The following SMPD4 variants were observed in gnomAD, a reference collection of about 807,000 sequenced individuals.
The protein encoded by SMPD4 is neutral sphingomyelinase 3.
Under a neutral mutation model 97.8 loss-of-function variants are expected in SMPD4, and 58 were observed. The observed-to-expected ratio is 0.59, with a 90% CI of 0.48 to 0.74. SMPD4 has a LOEUF of 0.74. SMPD4 is among the 30% of genes least tolerant of loss of function. The pLI is 0.00. For synonymous variants in SMPD4, 388 were observed against 450.0 expected, an observed-to-expected ratio of 0.86 and a Z score of 1.74; for missense variants, 853 against 1,080.5, an observed-to-expected ratio of 0.79 and a Z score of 2.95.
intron 11 of SMPD4, among the ~76,000 whole-genome samples, chr2:130,159,117 C>G (rs1471285382): frequency 6.6e-6 from 1 of 152,108 alleles, no homozygotes; most frequent in African/African-American, 2.4e-5. Context: ...ATCTCAGCCT[C>G]CCGGGTAGCT....
Position 130,173,363 on chromosome 2 carries a change from G to A in SMPD4, c.270-9C>T, listed in dbSNP as rs751872058. The stretch of plus-strand genomic sequence containing the variant: ...ACTTCATCATTGGGCCACTGAACAC[G>A]AAATTGAACAAACAAACAAAAACAG... On this transcript the variant is annotated splice_polypyrimidine_tract_variant and intron_variant, in intron 4 of 19. Transcript: ENST00000680298. The A allele has an allele frequency of 2.7e-5, 44 of 1,611,198 alleles. No individual in the cohort carries two copies. The highest frequency in any genetic ancestry group is 8.9e-5 in the East Asian group (4 of 44,852).
chr2:130,156,062 G>T lies in SMPD4; in HGVS notation c.1262C>A (p.Ser421Tyr), dbSNP rs772700583. The T allele has an allele frequency of 1.2e-6, 2 of 1,611,566 alleles. No individual in the cohort carries two copies. The highest frequency in any genetic ancestry group is 1.7e-6 in the Non-Finnish European group (2 of 1,179,914). Residue 421 changes from serine (S) to tyrosine (Y), a missense_variant, in exon 14 of 20, where the codon TCC (serine) becomes TAC (tyrosine). Transcript: ENST00000680298. ...TTTCTCCGACACACACCGGGGCTGG[G>T]AGTCGCTGCCCGGAGCCTGCTTGTC... is the stretch of plus-strand genomic sequence containing the variant. ...APDKQAPGSD[S>Y]QPRCVSEKWA... is the part of the protein sequence containing the mutation.
chr2:130,157,551 C>A (rs948035336), intron 11 of SMPD4, 155 bp from the exon 12 acceptor site: 2 of 1,422,362 alleles, frequency 1.4e-6, no homozygotes, highest in Non-Finnish European at 1.9e-6. Flanking sequence ...CCATGGGGCA[C>A]CACTGTGCCT....
chr2:130,177,223 G>C (rs975487213), intron 1 of SMPD4, among the ~76,000 whole-genome samples: 7 of 152,162 alleles, frequency 4.6e-5, no homozygotes, highest in Admixed American at 4.6e-4. Context: ...GGGAACTACA[G>C]GCAAACATCA....
chr2:130,154,463 C>T lies in SMPD4; in HGVS notation c.1473G>A (p.Glu491=). 6.4e-7 allele frequency: 1 copy of T among 1,555,954 alleles called. No individual in the cohort carries two copies. Among genetic ancestry groups the T allele is most frequent in the African/African-American group, 1.4e-5 (1 of 73,296 alleles). Residue 491 remains glutamate (E), a synonymous_variant, in exon 16 of 20, where the codon GAG becomes GAA. Transcript: ENST00000680298. ...GGCGGTGGGGGATGACCAGCTCTGG[C>T]TCCAGGAATAGCTGCTCACCTAGAA... ...MIQKGEQLFL[E]PELVIPHRQH...
chr2:130,177,476 T>C (rs1689080744), intron 1 of SMPD4, among the ~76,000 whole-genome samples: 1 of 151,978 alleles, frequency 6.6e-6, no homozygotes, highest in African/African-American at 2.4e-5. Flanking sequence ...GGCAGGAGGA[T>C]CACCTGAGGT....
intron 2 of SMPD4, among the ~76,000 whole-genome samples, chr2:130,176,105 G>T (rs1416306483): frequency 6.6e-6 from 1 of 151,994 alleles, no homozygotes; most frequent in African/African-American, 2.4e-5. Context: ...CTCCAGGCAT[G>T]AGCCACTGCA....
chr2:130,168,085 A>G (rs1688099329), intron 8 of SMPD4, among the ~76,000 whole-genome samples: 1 of 152,236 alleles, frequency 6.6e-6, no homozygotes, highest in Admixed American at 6.5e-5. Context: ...ATGTGCCTGT[A>G]GTCCTAGCTA....
intron 8 of SMPD4, among the ~76,000 whole-genome samples, chr2:130,170,458 C>CAAAAAAAAAAAAAAAAAAAAAA (rs556058599): frequency 2.9e-4 from 19 of 64,662 alleles, no homozygotes; most frequent in East Asian, 4.9e-4. Context: ...AAGACCCTGT[C>CAAAAAAAAAAAAAAAAAAAAAA]AAAAAAAAAA....
Position 130,153,928 on chromosome 2 carries a change from C to T in SMPD4, c.1667G>A (p.Arg556His), listed in dbSNP as rs750699809. ...FGPEARTLVL[R>H]LAQLITQAKH... The stretch of plus-strand genomic sequence containing the variant: ...GGCCTGTGTGATGAGCTGAGCGAGG[C>T]GCAGGACCTGCAAGGGAGGCGCGGG... The change falls in exon 17 of 20, where the codon CGC becomes CAC. Residue 556 changes from arginine to histidine, a missense_variant. Physicochemically the swap from Arg to His is conservative, Grantham distance 29. Transcript: ENST00000680298. The T allele has an allele frequency of 6.8e-6, 11 of 1,613,108 alleles. No homozygotes were observed. The East Asian group carries it at 8.9e-5, about 13-fold the overall frequency.
intron 8 of SMPD4, among the ~76,000 whole-genome samples, chr2:130,169,254 A>G (rs1408617589): frequency 1.3e-5 from 2 of 152,186 alleles, no homozygotes; most frequent in Non-Finnish European, 2.9e-5. Flanking sequence ...GCAAGGGACC[A>G]TTCCTGACTG....
chr2:130,162,735 G>A lies in SMPD4; in HGVS notation c.865-1463C>T, dbSNP rs897428404. 5.3e-5 allele frequency among the ~76,000 whole-genome samples: 8 copies of A among 152,190 alleles called. 1 individual carries two copies. Among genetic ancestry groups the A allele is most frequent in the South Asian group, 4.1e-4 (2 of 4,832 alleles). ...ACGTGTAGCACAGGCCTGGACAAGCGGCAAGAAGCCTTGGGAGACACAGAC... is the reference window on the plus strand; with the variant it reads ...ACGTGTAGCACAGGCCTGGACAAGCAGCAAGAAGCCTTGGGAGACACAGAC... On this transcript the variant is annotated intron_variant, in intron 10 of 19. Transcript: ENST00000680298.
rs757934173 is a variant in SMPD4 at position 130,173,536 on chromosome 2, C to T, written c.247G>A (p.Val83Met). ...GRVNPVEYSI[V>M]MEFLDPGGPM... The stretch of plus-strand genomic sequence containing the variant: ...TACCCAGGGTCGAGAAATTCCATCA[C>T]GATGCTGTACTCCACAGGATTCACG... The change falls in exon 4 of 20, where the codon GTG (valine) becomes ATG (methionine). Residue 83 changes from valine (V) to methionine (M), a missense_variant. Transcript: ENST00000680298. The T allele has an allele frequency of 1.0e-5, 16 of 1,605,674 alleles. No individual in the cohort carries two copies. Among genetic ancestry groups the T allele is most frequent in the African/African-American group, 2.7e-5 (2 of 74,792 alleles).
chr2:130,156,596 A>G lies in SMPD4; in HGVS notation c.1177T>C (p.Ser393Pro). 1 of 1,613,630 alleles carries G rather than the reference A, an allele frequency of 6.2e-7. No individual in the cohort carries two copies. The highest frequency in any genetic ancestry group is 8.5e-7 in the Non-Finnish European group (1 of 1,179,800). The change falls in exon 13 of 20, where the codon TCG (serine) becomes CCG (proline). Residue 393 changes from serine (S) to proline (P), a missense_variant. Physicochemically the swap from Ser to Pro is moderately conservative, Grantham distance 74 (BLOSUM62 -1). Transcript: ENST00000680298. Reference protein sequence around the residue: ...HCFGHWPLDASFRAVLEMWLS... With the variant: ...HCFGHWPLDAPFRAVLEMWLS... ...GGGCCAACACTCACAGCTCTGAACG[A>G]TGCGTCCAGGGGCCAGTGGCCAAAG...
At chr2:130,181,699 C>T (rs1310513248), upstream of SMPD4, 4 of 1,548,488 alleles carry the variant, frequency 2.6e-6, no homozygotes, top group Non-Finnish European at 3.5e-6. Flanking sequence ...AAGCGAAGGC[C>T]GGCCGGGCGG....
rs1686658833 is a variant in SMPD4, at chr2:130,155,207, A to C, written c.1342T>G (p.Phe448Val). 5.0e-6 allele frequency: 8 copies of C among 1,614,178 alleles called. No individual in the cohort carries two copies. The highest frequency in any genetic ancestry group is 6.8e-6 in the Non-Finnish European group (8 of 1,180,036). The change falls in exon 15 of 20, where the codon TTT becomes GTT. Residue 448 changes from phenylalanine (F) to valine (V), a missense_variant. Coordinates refer to ENST00000680298, the MANE Select transcript of SMPD4 (RefSeq NM_017951.5). Reference sequence around the variant, plus strand: ...TCTGTGCGGAGCGCGCGGTTCAGAAAGCCCACAAACAACTTGGTGTACATC... The same window carrying C: ...TCTGTGCGGAGCGCGCGGTTCAGAACGCCCACAAACAACTTGGTGTACATC... ...LLMYTKLFVG[F>V]LNRALRTDLV...
rs1209080409 is a variant in SMPD4, at chr2:130,163,925, G to C, written c.864+449C>G. 2.0e-5 allele frequency among the ~76,000 whole-genome samples: 3 copies of C among 152,228 alleles called. No individual in the cohort carries two copies. The East Asian group carries it at 5.8e-4, about 29-fold the overall frequency. ...AGAAGGGCTGCTTGCTCATGCTCTG[G>C]AGAAGGTGGGGGAGTAGGGTGAGCA... On this transcript the variant is annotated intron_variant, in intron 10 of 19. Transcript: ENST00000680298.
intron 1 of SMPD4, among the ~76,000 whole-genome samples, chr2:130,179,471 C>T (rs1336504144): frequency 6.6e-6 from 1 of 151,216 alleles, no homozygotes; most frequent in Non-Finnish European, 1.5e-5. Flanking sequence ...ACTGCAACCT[C>T]CACCTCCAAA....
chr2:130,162,292 T>A (rs1304490221), intron 10 of SMPD4, among the ~76,000 whole-genome samples: 1 of 152,216 alleles, frequency 6.6e-6, no homozygotes, highest in Admixed American at 6.5e-5. Flanking sequence ...TTCAGCCCAG[T>A]GCAGCCACAG....
Sources: gnomAD v4.1 joint callset for allele counts (sites outside exome capture counted in the v4.1 genomes callset) on GRCh38, gnomAD v4.1.1 for gene constraint, MANE v1.5 for transcripts, NCBI Gene and HGNC (gene_info 2026-07-23, HGNC 2026-07-21) for gene names.